Variants in KMT2C observed in about 807,000 individuals in gnomAD.
KMT2C encodes histone-lysine N-methyltransferase 2C.
KMT2C carries 88 observed loss-of-function variants against 507.9 expected under a neutral mutation model. The ratio of observed to expected loss-of-function variants is 0.17; its 90% CI spans 0.15 to 0.21. The LOEUF (loss-of-function observed/expected upper bound fraction) is 0.21, where lower values mean the gene tolerates loss of function less well. Ranked by LOEUF, KMT2C falls within the 10% of genes least tolerant of loss-of-function variation. The pLI is 1.00. For missense variants in KMT2C, 4,954 were observed against 5,957.8 expected (o/e 0.83, Z 5.55); for synonymous variants, 2,049 against 2,080.8 (o/e 0.98, Z 0.42).
At chr7:152,262,229 A>G (rs111296126) in intron 9 of KMT2C, among the ~76,000 whole-genome samples, 1 of 152,138 alleles carries the variant, frequency 6.6e-6, no homozygotes, top group African/African-American at 2.4e-5. Context: ...AAGCAGTTCC[A>G]AGAAGAGCAA....
At chr7:152,190,868 A>G (rs1391389316) in intron 31 of KMT2C, among the ~76,000 whole-genome samples, 1 of 152,162 alleles carries the variant, frequency 6.6e-6, no homozygotes, top group Non-Finnish European at 1.5e-5. Context: ...GGTCCAATGA[A>G]ACAATGTTTT....
chr7:152,378,505 C>T (rs2097346427), intron 1 of KMT2C, among the ~76,000 whole-genome samples: 1 of 152,330 alleles, frequency 6.6e-6, no homozygotes, highest in African/African-American at 2.4e-5. Flanking sequence ...CGCTACTGAA[C>T]ATTTAATAGA....
intron 11 of KMT2C, 35 bp downstream of exon 11, chr7:152,251,904 C>CA: frequency 2.0e-6 from 3 of 1,534,450 alleles, no homozygotes; most frequent in South Asian, 1.3e-5. Flanking sequence ...ATTACAAAAA[C>CA]AAAAAATTTA....
At chr7:152,208,526 TTAG>T (rs1563398755) in intron 23 of KMT2C, among the ~76,000 whole-genome samples, 2 of 152,348 alleles carry the variant, frequency 1.3e-5, no homozygotes, top group African/African-American at 4.8e-5. Flanking sequence ...AGATGTATTG[TTAG>T]TAGGATACCT....
chr7:152,315,810 G>A (rs543115174), intron 3 of KMT2C, among the ~76,000 whole-genome samples: 8 of 152,092 alleles, frequency 5.3e-5, no homozygotes, highest in East Asian at 1.9e-4. Flanking sequence ...CCAGCTACTC[G>A]GGTGGCTGAG....
chr7:152,426,482 C>T (rs2097820768), intron 1 of KMT2C, among the ~76,000 whole-genome samples: 1 of 151,966 alleles, frequency 6.6e-6, no homozygotes, highest in Admixed American at 6.6e-5. Context: ...AGCAATCCTC[C>T]CACCTTTGCT....
At chr7:152,327,887 G>A (rs1162393470) in intron 3 of KMT2C, among the ~76,000 whole-genome samples, 1 of 151,262 alleles carries the variant, frequency 6.6e-6, no homozygotes, top group East Asian at 1.9e-4. Context: ...GAACCCAGGA[G>A]GTGGAGCTTG....
chr7:152,180,937 G>T lies in KMT2C; in HGVS notation c.6923C>A (p.Ser2308Tyr). The T allele has an allele frequency of 6.2e-7, 1 of 1,614,194 alleles. No individual in the cohort carries two copies. Among genetic ancestry groups the T allele is most frequent in the South Asian group, 1.1e-5 (1 of 91,088 alleles). The change falls in exon 36 of 59, where the codon TCT becomes TAT. Residue 2308 changes from serine to tyrosine, a missense_variant. Physicochemically the swap from Ser to Tyr is moderately radical, Grantham distance 144. Around this residue, in one of 29 missense-constraint regions of KMT2C, gnomAD observed 1,689 missense variants for 1,654.3 expected, o/e 1.02. Coordinates refer to ENST00000262189, the MANE Select transcript of KMT2C (RefSeq NM_170606.3). ...ACTTGTTCCAAAAGAGTCAGACTGA[G>T]ATCTTGGAGTCATTGGAGACTGATC... ...PYDQSPMTPR[S>Y]QSDSFGTSQT...
chr7:152,431,030 G>A (rs1265461261), intron 1 of KMT2C, among the ~76,000 whole-genome samples: 3 of 152,240 alleles, frequency 2.0e-5, no homozygotes, highest in South Asian at 4.1e-4. Flanking sequence ...GAAGCAGTGT[G>A]GCTTGTCACT....
intron 9 of KMT2C, among the ~76,000 whole-genome samples, chr7:152,259,703 T>A (rs2129170822): frequency 6.6e-6 from 1 of 152,124 alleles, no homozygotes; most frequent in East Asian, 1.9e-4. Context: ...CAATGACTGG[T>A]TTACAATAAA....
chr7:152,367,259 GAACC>G, intron 1 of KMT2C: 1 of 1,361,452 alleles, frequency 7.3e-7, no homozygotes, highest in Admixed American at 2.0e-5. Flanking sequence ...AGAGAAGAAG[GAACC>G]AACATTCAAA....
rs1224809016 is a variant in KMT2C at position 152,179,805 on chromosome 7, T to C, written c.7442+29A>G. 3 of 1,604,196 alleles carry C rather than the reference T, an allele frequency of 1.9e-6. No individual in the cohort carries two copies. In the African/African-American group the frequency reaches 4.0e-5, roughly 22 times the overall value. On this transcript the variant is annotated intron_variant, in intron 37 of 58. Coordinates refer to ENST00000262189, the MANE Select transcript of KMT2C (RefSeq NM_170606.3). ...CTGTTTCCCTCTTCTAATAGCAATT[T>C]AAATTCGGCAGGAAATTAAAAGCAT...
intron 1 of KMT2C, among the ~76,000 whole-genome samples, chr7:152,388,135 A>C (rs1589657063): frequency 6.8e-6 from 1 of 147,484 alleles, no homozygotes; most frequent in Admixed American, 6.8e-5. Context: ...AAATAAAAAA[A>C]TTGTAACCTC....
chr7:152,413,884 T>TAAAAAAAAAA (rs1203774996), intron 1 of KMT2C, among the ~76,000 whole-genome samples: 2 of 35,994 alleles, frequency 5.6e-5, no homozygotes, highest in African/African-American at 7.5e-4. Context: ...AAACTCCGTC[T>TAAAAAAAAAA]CAAAAAAAAA....
At chr7:152,242,194 G>C (rs1426810047) in intron 14 of KMT2C, among the ~76,000 whole-genome samples, 1 of 152,100 alleles carries the variant, frequency 6.6e-6, no homozygotes, top group Admixed American at 6.6e-5. Flanking sequence ...TGTAATTAAA[G>C]ATCATGCCCC....
chr7:152,300,602 CT>C (rs1943765814), intron 6 of KMT2C, among the ~76,000 whole-genome samples: 1 of 152,174 alleles, frequency 6.6e-6, no homozygotes, highest in Admixed American at 6.5e-5. Context: ...TGAGGTCTTT[CT>C]ACTATATATC....
intron 16 of KMT2C, among the ~76,000 whole-genome samples, chr7:152,232,599 A>T (rs2095153374): frequency 6.6e-6 from 1 of 152,194 alleles, no homozygotes; most frequent in African/African-American, 2.4e-5. Context: ...ATAACAGGGA[A>T]ATAAGAAGGA....
chr7:152,153,052 C>T lies in KMT2C; in HGVS notation c.12277-98G>A, dbSNP rs1211868626. The T allele has an allele frequency of 2.6e-5, 37 of 1,402,688 alleles. No homozygotes were observed. The South Asian group carries it at 4.7e-4, about 18-fold the overall frequency. 86.9% of individuals were successfully genotyped at this position (1,402,688 alleles called of 1,614,324 possible). A position where few individuals can be genotyped will look rare whatever the true frequency, so the allele number is the denominator to read the frequency against. ...TAGGATAAATCCTCTTTGCATGATA[C>T]ATAGATTCTAAGAAAATCCAACAAA... On this transcript the variant is annotated intron_variant, in intron 48 of 58. Transcript: ENST00000262189.
chr7:152,193,914 AAAG>A (rs2093885425), intron 31 of KMT2C, 92 bp downstream of exon 31: 3 of 1,186,650 alleles, frequency 2.5e-6, no homozygotes, highest in Admixed American at 2.9e-5. Flanking sequence ...CGTGGCTACT[AAAG>A]AATAGGGCAA....
Sources: allele counts gnomAD v4.1 joint callset (sites outside exome capture counted in the v4.1 genomes callset), GRCh38; gene constraint gnomAD v4.1.1; regional missense constraint gnomAD v4.1.1; transcripts MANE v1.5; gene names NCBI Gene and HGNC (gene_info 2026-07-23, HGNC 2026-07-21).